The following LCN2 variants were observed in gnomAD, a reference collection of about 807,000 sequenced individuals.
LCN2 encodes the protein neutrophil gelatinase-associated lipocalin.
A neutral mutation model predicts 26.4 loss-of-function variants in LCN2; 27 were observed. That is an observed-to-expected ratio of 1.02 (90% CI 0.76 to 1.41). The LOEUF (loss-of-function observed/expected upper bound fraction) is 1.41. Among genes scored for constraint, LCN2 ranks in the 40% most tolerant of loss-of-function variants. The probability of loss-of-function intolerance (pLI) is 0.00; values close to 1 mark genes in which losing one functional copy is unlikely to be tolerated. For synonymous variants in LCN2, 94 were observed against 98.9 expected (o/e 0.95, Z 0.30); for missense variants, 224 against 237.6 (o/e 0.94, Z 0.38).
chr9:128,151,743 T>G (rs749567379), intron 3 of LCN2, 26 bp downstream of exon 3: 1 of 1,608,244 alleles, frequency 6.2e-7, no homozygotes, highest in Non-Finnish European at 8.5e-7. Context: ...GGTGGGGCAC[T>G]GAGTTGGGGC....
At chr9:128,151,832 G>T in intron 3 of LCN2, 74 bp from the exon 4 acceptor site, 1 of 1,603,700 alleles carries the variant, frequency 6.2e-7, no homozygotes, top group Non-Finnish European at 8.5e-7. Context: ...CCACGTTGAT[G>T]GGCTGGGGAG....
At chr9:128,149,895 C>T (rs1482669936) in intron 1 of LCN2, among the ~76,000 whole-genome samples, 1 of 150,808 alleles carries the variant, frequency 6.6e-6, no homozygotes, top group Non-Finnish European at 1.5e-5. Context: ...TCCCCTCTCC[C>T]ATAACCCCCA....
Position 128,153,156 on chromosome 9 carries a change from C to T in LCN2, c.*7+30C>T. 1 of 1,613,666 alleles carries T rather than the reference C, an allele frequency of 6.2e-7. No individual in the cohort carries two copies. The highest frequency in any genetic ancestry group is 8.5e-7 in the Non-Finnish European group (1 of 1,179,856). ...GTGTGGCTGGGCGGCTGCGAGGGGG[C>T]TTGTGGGAGGCCAGGGTGCAGTGGG... is the stretch of plus-strand genomic sequence containing the variant. On this transcript the variant is annotated intron_variant, in intron 6 of 6. Coordinates refer to ENST00000277480, the MANE Select transcript of LCN2 (RefSeq NM_005564.5). The surrounding 1 kb of genome is among the most constrained non-coding windows in gnomAD (Gnocchi z 5.4).
rs549486362 is a variant in LCN2, at chr9:128,153,210, TCCCCCTGC to T, written c.*7+90_*8-88del. ...GGGGTCTTGGGCCTGCCTTTGCTCA[TCCCCCTGC>T]CCCCCAGCACTGCTGCTGTCTTTAT... On this transcript the variant is annotated intron_variant, in intron 6 of 6. Coordinates refer to ENST00000277480, the MANE Select transcript of LCN2 (RefSeq NM_005564.5). This position sits in a 1 kb window ranked among gnomAD's most constrained non-coding sequence, Gnocchi z 5.4. 7.3e-4 allele frequency: 1,097 copies of T among 1,512,018 alleles called. 16 individuals are homozygous for T. The Middle Eastern group carries it at 0.011, about 16-fold the overall frequency. 93.7% of individuals were successfully genotyped at this position (1,512,018 alleles called of 1,614,324 possible).
intron 4 of LCN2, 41 bp from the exon 5 acceptor site, chr9:128,152,142 T>C: frequency 1.2e-6 from 2 of 1,610,824 alleles, no homozygotes; most frequent in African/African-American, 1.3e-5. Flanking sequence ...ACGATATTTA[T>C]GTGGTGTCTG....
Position 128,153,396 on chromosome 9 carries a change from C to T in LCN2, c.*93C>T, listed in dbSNP as rs1829160399. ...CAGTGCCACCCATGCAGCTGCTCCC[C>T]AGGCCACCCCGCTGATGGAGCCCCA... On this transcript the variant is annotated 3_prime_UTR_variant, in exon 7 of 7. Coordinates refer to ENST00000277480, the MANE Select transcript of LCN2 (RefSeq NM_005564.5). This position sits in a 1 kb window ranked among gnomAD's most constrained non-coding sequence, Gnocchi z 5.4. The T allele has an allele frequency of 3.5e-6, 2 of 563,588 alleles. No individual in the cohort carries two copies. Among genetic ancestry groups the T allele is most frequent in the Admixed American group, 3.1e-5 (1 of 32,754 alleles). 34.9% of individuals were successfully genotyped at this position (563,588 alleles called of 1,614,324 possible). A position where few individuals can be genotyped will look rare whatever the true frequency, so the allele number is the denominator to read the frequency against.
chr9:128,151,463 C>A, intron 2 of LCN2, 175 bp from the exon 3 acceptor site: 1 of 642,924 alleles, frequency 1.6e-6, no homozygotes, highest in Non-Finnish European at 2.9e-6. Flanking sequence ...AAGGCCCAGG[C>A]CCATCTCGGC....
At chr9:128,149,755 G>A in intron 1 of LCN2, 92 bp downstream of exon 1, 1 of 1,510,068 alleles carries the variant, frequency 6.6e-7, no homozygotes, top group Non-Finnish European at 9.0e-7. Context: ...AAGAGCGTTG[G>A]GCAGGACTCT....
intron 5 of LCN2, among the ~76,000 whole-genome samples, chr9:128,152,669 G>A (rs1829148540): frequency 6.6e-6 from 1 of 152,148 alleles, no homozygotes; most frequent in Non-Finnish European, 1.5e-5. Context: ...GGGTTTTGCT[G>A]TCCTGGCTGT....
intron 2 of LCN2, 136 bp downstream of exon 2, chr9:128,150,510 T>C (rs1564224923): frequency 1.8e-6 from 2 of 1,114,988 alleles, no homozygotes; most frequent in Non-Finnish European, 2.7e-6. Context: ...CCTCTGTTCC[T>C]TAGAGCAACG....
chr9:128,152,314 G>A, intron 5 of LCN2, 30 bp downstream of exon 5: 1 of 1,578,402 alleles, frequency 6.3e-7, no homozygotes. Context: ...AGGGGACGGG[G>A]ACATGGGGAC....
Position 128,151,564 on chromosome 9 carries a change from C to T in LCN2, c.276-74C>T, listed in dbSNP as rs1004597773. The T allele has an allele frequency of 6.1e-5, 73 of 1,188,826 alleles. No homozygotes were observed. In the East Asian group the frequency reaches 1.7e-3, roughly 28 times the overall value. 73.6% of individuals were successfully genotyped at this position (1,188,826 alleles called of 1,614,324 possible). On this transcript the variant is annotated intron_variant, in intron 2 of 6. Transcript: ENST00000277480. Reference sequence around the variant, plus strand: ...CAACAGAACCCTGCTGCTGCCCTGGCCCCACCTTGTCCAGCACAGGAGGCC... The same window carrying T: ...CAACAGAACCCTGCTGCTGCCCTGGTCCCACCTTGTCCAGCACAGGAGGCC...
At position 128,149,456 on chromosome 9, in the gene LCN2, C is replaced by T. The variant is rs565259698; in HGVS notation, c.-70C>T. Reference sequence around the variant, plus strand: ...GGGCCACCCAGGTGAGCCTCTCACTCGCCACCTCCTCTTCCACCCCTGCCA... The same window carrying T: ...GGGCCACCCAGGTGAGCCTCTCACTTGCCACCTCCTCTTCCACCCCTGCCA... On this transcript the variant is annotated 5_prime_UTR_variant, in exon 1 of 7. Transcript: ENST00000277480. The T allele has an allele frequency of 5.4e-6, 8 of 1,482,674 alleles. No individual in the cohort carries two copies. The highest frequency in any genetic ancestry group is 4.8e-5 in the East Asian group (2 of 41,836). 91.8% of individuals were successfully genotyped at this position (1,482,674 alleles called of 1,614,324 possible).
rs1389715176 is a variant in LCN2, at chr9:128,149,537, TCTC to T, written c.15_17del (p.Leu6del). 6.2e-7 allele frequency: 1 copy of T among 1,612,028 alleles called. No homozygotes were observed. The highest frequency in any genetic ancestry group is 8.5e-7 in the Non-Finnish European group (1 of 1,178,914). On this transcript the variant is annotated inframe_deletion, in exon 1 of 7. Coordinates refer to ENST00000277480, the MANE Select transcript of LCN2 (RefSeq NM_005564.5). ...TCGGCCCTGAAATCATGCCCCTAGG[TCTC>T]CTGTGGCTGGGCCTAGCCCTGTTGG...
Position 128,151,662 on chromosome 9 carries a change from C to G in LCN2, c.300C>G (p.Ile100Met). 1 of 1,614,060 alleles carries G rather than the reference C, an allele frequency of 6.2e-7. No individual in the cohort carries two copies. The highest frequency in any genetic ancestry group is 8.5e-7 in the Non-Finnish European group (1 of 1,179,924). ...GGAAAAAGAAGTGTGACTACTGGAT[C>G]AGGACTTTTGTTCCAGGTTGCCAGC... ...LFRKKKCDYW[I>M]RTFVPGCQPG... Residue 100 changes from isoleucine to methionine, a missense_variant, in exon 3 of 7, where the codon ATC becomes ATG. Transcript: ENST00000277480.
In LCN2 at chr9:128,151,662, C is replaced by T; in HGVS notation, c.300C>T (p.Ile100=). The change falls in exon 3 of 7, where the codon ATC becomes ATT. Residue 100 remains isoleucine (I), a synonymous_variant. Coordinates refer to ENST00000277480, the MANE Select transcript of LCN2 (RefSeq NM_005564.5). ...LFRKKKCDYW[I]RTFVPGCQPG... ...GGAAAAAGAAGTGTGACTACTGGATCAGGACTTTTGTTCCAGGTTGCCAGC... is the reference window on the plus strand; with the variant it reads ...GGAAAAAGAAGTGTGACTACTGGATTAGGACTTTTGTTCCAGGTTGCCAGC... 6.2e-7 allele frequency: 1 copy of T among 1,614,060 alleles called. No homozygotes were observed. Among genetic ancestry groups the T allele is most frequent in the Non-Finnish European group, 8.5e-7 (1 of 1,179,924 alleles).
chr9:128,152,036 T>C lies in LCN2; in HGVS notation c.475+11T>C. ...AGATCACCCTCTACGGTGGGTCCTCTCCCATCCCCTCGGGGACTGGCTCCT... is the reference window on the plus strand; with the variant it reads ...AGATCACCCTCTACGGTGGGTCCTCCCCCATCCCCTCGGGGACTGGCTCCT... On this transcript the variant is annotated intron_variant, in intron 4 of 6. Transcript: ENST00000277480. 1 of 1,614,018 alleles carries C rather than the reference T, an allele frequency of 6.2e-7. No homozygotes were observed. The highest frequency in any genetic ancestry group is 8.5e-7 in the Non-Finnish European group (1 of 1,179,948).
In LCN2 at chr9:128,153,353, G is replaced by A; in HGVS notation, c.*50G>A. On this transcript the variant is annotated 3_prime_UTR_variant, in exon 7 of 7. Coordinates refer to ENST00000277480, the MANE Select transcript of LCN2 (RefSeq NM_005564.5). This position sits in a 1 kb window ranked among gnomAD's most constrained non-coding sequence, Gnocchi z 5.4. ...CACCAGCCCGAACACCATTGAGGGA[G>A]CTGGGAGACCCTCCCCACAGTGCCA... 1.7e-6 allele frequency: 1 copy of A among 598,350 alleles called. No individual in the cohort carries two copies. Among genetic ancestry groups the A allele is most frequent in the South Asian group, 1.9e-5 (1 of 52,678 alleles). 37.1% of individuals were successfully genotyped at this position (598,350 alleles called of 1,614,324 possible). A position where few individuals can be genotyped will look rare whatever the true frequency, so the allele number is the denominator to read the frequency against.
chr9:128,151,572 T>C, intron 2 of LCN2, 66 bp from the exon 3 acceptor site: 1 of 1,298,322 alleles, frequency 7.7e-7, no homozygotes, highest in Non-Finnish European at 1.1e-6. Context: ...GGCCCCACCT[T>C]GTCCAGCACA....
Sources: allele counts gnomAD v4.1 joint callset (sites outside exome capture counted in the v4.1 genomes callset), GRCh38; gene constraint gnomAD v4.1.1; non-coding constraint Gnocchi (gnomAD v3.1); transcripts MANE v1.5; gene names NCBI Gene and HGNC (gene_info 2026-07-23, HGNC 2026-07-21).